The following ENTR1 variants were observed in gnomAD, a reference collection of about 807,000 sequenced individuals.
ENTR1 encodes endosome-associated-trafficking regulator 1.
Under a neutral mutation model 47.9 loss-of-function variants are expected in ENTR1, and 47 were observed. The observed-to-expected ratio is 0.98, with a 90% confidence interval of 0.78 to 1.25. The LOEUF (loss-of-function observed/expected upper bound fraction) is 1.25. Ranked by LOEUF, ENTR1 falls within the 50% of genes most tolerant of loss-of-function variation. ENTR1 has a pLI of 0.00. For missense variants in ENTR1, 668 were observed against 570.5 expected (o/e 1.17, Z -1.74); for synonymous variants, 290 against 245.8 (o/e 1.18, Z -1.68).
chr9:136,405,315 C>A, intron 6 of ENTR1, 113 bp from the exon 7 acceptor site: 1 of 821,218 alleles, frequency 1.2e-6, no homozygotes, highest in African/African-American at 1.7e-5. Flanking sequence ...TGGAATGGGT[C>A]TCAGGCACAG....
At position 136,407,841 on chromosome 9, in the gene ENTR1, GC is replaced by G; in HGVS notation, c.386del (p.Ser129ThrfsTer104). 5.0e-6 allele frequency: 8 copies of G among 1,611,548 alleles called. No individual in the cohort carries two copies. The highest frequency in any genetic ancestry group is 6.8e-6 in the Non-Finnish European group (8 of 1,177,698). On this transcript the variant is annotated frameshift_variant, in exon 4 of 10. Transcript: ENST00000357365. LOFTEE classifies it high-confidence loss of function. ...NLGLSKEDPA[S>X]RIYAKEASRH... is the part of the protein sequence containing the mutation. The stretch of plus-strand genomic sequence containing the variant: ...GTGGATTTACCTTTGCATAAATTCT[GC>G]TGGCCGGATCCTCTTTCGAGAGGCC...
chr9:136,404,792 C>T, intron 7 of ENTR1, 99 bp from the exon 8 acceptor site: 1 of 1,222,106 alleles, frequency 8.2e-7, no homozygotes, highest in Admixed American at 1.9e-5. Context: ...GGCACCCAAC[C>T]TGGCTGTGGC....
Position 136,408,366 on chromosome 9 carries a change from CAGG to C in ENTR1, c.290-431_290-429del, listed in dbSNP as rs1304834347. ...GGTCAAGGCGGGCGGATCACGAGGT[CAGG>C]AGACTGAGACCATCCTGGCTAACAC... On this transcript the variant is annotated intron_variant, in intron 3 of 9. Transcript: ENST00000357365. Among the ~76,000 whole-genome samples, 4 of 152,148 alleles carry C rather than the reference CAGG, an allele frequency of 2.6e-5. No homozygotes were observed. The East Asian group carries it at 7.7e-4, about 29-fold the overall frequency.
chr9:136,407,544 G>T lies in ENTR1; in HGVS notation c.420C>A (p.Ser140=). 1 of 1,579,528 alleles carries T rather than the reference G, an allele frequency of 6.3e-7. No homozygotes were observed. The highest frequency in any genetic ancestry group is 1.1e-5 in the South Asian group (1 of 87,230). Residue 140 remains serine, a synonymous_variant, in exon 5 of 10, where the codon TCC becomes TCA. Transcript: ENST00000357365. ...RIYAKEASRH[S]LGLDHNSPPS... Reference sequence around the variant, plus strand: ...GTGGGGAGTTGTGGTCAAGTCCCAGGGAATGCCTCGAGGCTTCCTAAAAAA... The same window carrying T: ...GTGGGGAGTTGTGGTCAAGTCCCAGTGAATGCCTCGAGGCTTCCTAAAAAA...
chr9:136,404,313 C>T, intron 8 of ENTR1, 119 bp from the exon 9 acceptor site: 2 of 1,378,988 alleles, frequency 1.5e-6, no homozygotes, highest in Non-Finnish European at 2.0e-6. Context: ...CATGCTCTGG[C>T]CTAACTGGGG....
At position 136,402,687 on chromosome 9, in the gene ENTR1, G is replaced by T; in HGVS notation, c.*101C>A. 2.6e-6 allele frequency: 2 copies of T among 783,526 alleles called. No homozygotes were observed. The highest frequency in any genetic ancestry group is 4.3e-6 in the Non-Finnish European group (2 of 465,796). The allele number at this position is 783,526 out of a possible 1,614,324, so 48.5% of individuals were successfully genotyped here. A position where few individuals can be genotyped will look rare whatever the true frequency, so the allele number is the denominator to read the frequency against. ...CTCTTGCGATCAACACTTTACTCTG[G>T]GTGAAGACTGCATATTTAAGGACAC... On this transcript the variant is annotated 3_prime_UTR_variant, in exon 10 of 10. Coordinates refer to ENST00000357365, the MANE Select transcript of ENTR1 (RefSeq NM_001039707.2).
rs1284057354 is a variant in ENTR1, at chr9:136,410,207, GGAGAC to G, written c.98_102del (p.Cys33SerfsTer6). 6.3e-7 allele frequency: 1 copy of G among 1,598,156 alleles called. No homozygotes were observed. ...TGGGGGCGCTCACAATTTAGCTGGGGGAGACAAGACCGGCGCTCATAGAACGCTGG... is the reference window on the plus strand; with the variant it reads ...TGGGGGCGCTCACAATTTAGCTGGGGAAGACCGGCGCTCATAGAACGCTGG... On this transcript the variant is annotated frameshift_variant, in exon 2 of 10. Coordinates refer to ENST00000357365, the MANE Select transcript of ENTR1 (RefSeq NM_001039707.2). LOFTEE classifies it high-confidence loss of function.
rs1451874363 is a variant in ENTR1, at chr9:136,409,884, T to C, written c.220+206A>G. The C allele has an allele frequency of 1.2e-5, 9 of 731,616 alleles. No homozygotes were observed. The East Asian group carries it at 2.4e-4, about 20-fold the overall frequency. 45.3% of individuals were successfully genotyped at this position (731,616 alleles called of 1,614,324 possible). A position where few individuals can be genotyped will look rare whatever the true frequency, so the allele number is the denominator to read the frequency against. On this transcript the variant is annotated intron_variant, in intron 2 of 9. Coordinates refer to ENST00000357365, the MANE Select transcript of ENTR1 (RefSeq NM_001039707.2). ...TCCCCGGGCACTAACCATCCTGTAC[T>C]GGAACTGTCTGTCTTGGGGGAGGTC...
Position 136,407,562 on chromosome 9 carries a change from C to CAAA in ENTR1, c.403-2_403-1insTTT. 1.7e-6 allele frequency: 2 copies of CAAA among 1,193,138 alleles called. No homozygotes were observed. The highest frequency in any genetic ancestry group is 1.8e-5 in the South Asian group (1 of 54,632). The allele number at this position is 1,193,138 out of a possible 1,614,324, so 73.9% of individuals were successfully genotyped here. On this transcript the variant is annotated splice_acceptor_variant, in intron 4 of 9. Coordinates refer to ENST00000357365, the MANE Select transcript of ENTR1 (RefSeq NM_001039707.2). LOFTEE classifies it high-confidence loss of function. Reference sequence around the variant, plus strand: ...GTCCCAGGGAATGCCTCGAGGCTTCCTAAAAAAAAAAAAAAAAAAAAAACA... The same window carrying CAAA: ...GTCCCAGGGAATGCCTCGAGGCTTCCAAATAAAAAAAAAAAAAAAAAAAAAACA...
At chr9:136,410,043 G>C in intron 2 of ENTR1, 47 bp downstream of exon 2, 11 of 1,607,204 alleles carry the variant, frequency 6.8e-6, no homozygotes, top group Non-Finnish European at 9.4e-6. Context: ...GCCACACGTG[G>C]CGCGGGAACT....
Position 136,410,333 on chromosome 9 carries a change from G to A in ENTR1, c.65C>T (p.Pro22Leu). ...PLSRARSLAI[P>L]DAPAFYERRS... The stretch of plus-strand genomic sequence containing the variant: ...TCGGCCCCTGCCCCGCTCACCGTCG[G>A]GAATGGCGAGGCTCCGGGCTCGGGA... Residue 22 changes from proline to leucine, a missense_variant, in exon 1 of 10, where the codon CCC (proline) becomes CTC (leucine). Transcript: ENST00000357365. The A allele has an allele frequency of 6.5e-7, 1 of 1,546,202 alleles. No individual in the cohort carries two copies. The highest frequency in any genetic ancestry group is 8.7e-7 in the Non-Finnish European group (1 of 1,145,794).
At position 136,410,340 on chromosome 9, in the gene ENTR1, C is replaced by A. The variant is rs764424746; in HGVS notation, c.58G>T (p.Ala20Ser). 2.6e-6 allele frequency: 4 copies of A among 1,544,850 alleles called. No homozygotes were observed. The highest frequency in any genetic ancestry group is 2.4e-5 in the South Asian group (2 of 83,808). ...CTGCCCCGCTCACCGTCGGGAATGG[C>A]GAGGCTCCGGGCTCGGGACAGCGGG... ...ATPLSRARSL[A>S]IPDAPAFYER... The change falls in exon 1 of 10, where the codon GCC (alanine) becomes TCC (serine). Residue 20 changes from alanine (A) to serine (S), a missense_variant. By Grantham distance (99) the Ala-to-Ser change is moderately conservative. Transcript: ENST00000357365.
At chr9:136,408,552 T>C (rs1834897449) in intron 3 of ENTR1, among the ~76,000 whole-genome samples, 1 of 152,102 alleles carries the variant, frequency 6.6e-6, no homozygotes, top group African/African-American at 2.4e-5. Flanking sequence ...TACTCCAGCC[T>C]GGGCGACAGA....
intron 5 of ENTR1, among the ~76,000 whole-genome samples, chr9:136,406,765 C>A (rs943301359): frequency 6.6e-6 from 1 of 152,148 alleles, no homozygotes; most frequent in East Asian, 1.9e-4. Context: ...GCGTGAGCCA[C>A]GGCGCCCAGC....
chr9:136,408,581 A>C (rs958785858), intron 3 of ENTR1, among the ~76,000 whole-genome samples: 2 of 152,008 alleles, frequency 1.3e-5, no homozygotes, highest in African/African-American at 2.4e-5. Flanking sequence ...CTGTCTCAAA[A>C]AACAACAACA....
rs933007547 is a variant in ENTR1 at position 136,410,472 on chromosome 9, G to A, written c.-75C>T. ...CCATGGCCCCGGCTCCGCCCGTGCC[G>A]CGGCCCGCGTCGCCCGCCCCCGTCG... On this transcript the variant is annotated 5_prime_UTR_variant, in exon 1 of 10. Transcript: ENST00000357365. 2 of 1,004,548 alleles carry A rather than the reference G, an allele frequency of 2.0e-6. No individual in the cohort carries two copies. The highest frequency in any genetic ancestry group is 1.8e-5 in the African/African-American group (1 of 57,056). The allele number at this position is 1,004,548 out of a possible 1,614,324, so 62.2% of individuals were successfully genotyped here. A position where few individuals can be genotyped will look rare whatever the true frequency, so the allele number is the denominator to read the frequency against.
intron 6 of ENTR1, 88 bp from the exon 7 acceptor site, chr9:136,405,290 G>A (rs546248502): frequency 4.1e-5 from 43 of 1,037,544 alleles, no homozygotes; most frequent in East Asian, 3.2e-4. Context: ...GATAAAACCC[G>A]CTAAGAGCCT....
At chr9:136,405,051 G>A in intron 7 of ENTR1, 40 bp downstream of exon 7, 2 of 1,523,658 alleles carry the variant, frequency 1.3e-6, no homozygotes, top group South Asian at 1.1e-5. Context: ...GAGCGCTCCT[G>A]CCCCACCCAG....
chr9:136,410,417 C>T lies in ENTR1; in HGVS notation c.-20G>A, dbSNP rs1835047719. The T allele has an allele frequency of 7.5e-7, 1 of 1,334,280 alleles. No homozygotes were observed. Among genetic ancestry groups the T allele is most frequent in the Non-Finnish European group, 9.5e-7 (1 of 1,049,514 alleles). The allele number at this position is 1,334,280 out of a possible 1,614,324, so 82.7% of individuals were successfully genotyped here. A position where few individuals can be genotyped will look rare whatever the true frequency, so the allele number is the denominator to read the frequency against. On this transcript the variant is annotated 5_prime_UTR_variant, in exon 1 of 10. Transcript: ENST00000357365. Reference sequence around the variant, plus strand: ...CGACATCGCCGCCGGCCCGGCGGGGCACGACCTGCCTAGCCCGGCAGCGGC... The same window carrying T: ...CGACATCGCCGCCGGCCCGGCGGGGTACGACCTGCCTAGCCCGGCAGCGGC...
Sources: allele counts gnomAD v4.1 joint callset (sites outside exome capture counted in the v4.1 genomes callset), GRCh38; gene constraint gnomAD v4.1.1; transcripts MANE v1.5; gene names NCBI Gene and HGNC (gene_info 2026-07-23, HGNC 2026-07-21).